Variants in SLC15A5 observed in about 807,000 individuals in gnomAD.
SLC15A5 encodes the protein Peptide/histidine transporter ENSP00000340402.
SLC15A5 carries 58 observed loss-of-function variants against 56.1 expected under a neutral mutation model. The observed-to-expected ratio is 1.03, with a 90% CI of 0.84 to 1.29. The LOEUF is 1.29. Ranked by LOEUF, SLC15A5 falls within the 50% of genes most tolerant of loss-of-function variation. The pLI is 0.00. For synonymous variants in SLC15A5, 264 were observed against 250.5 expected (o/e 1.05, Z -0.51); for missense variants, 681 against 672.1 (o/e 1.01, Z -0.15).
At chr12:16,198,292 G>GA (rs1863916084) in intron 7 of SLC15A5, among the ~76,000 whole-genome samples, 2 of 152,218 alleles carry the variant, frequency 1.3e-5, no homozygotes, top group South Asian at 4.2e-4. Context: ...TGCTGCTTAA[G>GA]AAAAGGAATT....
At position 16,189,641 on chromosome 12, in the gene SLC15A5, A is replaced by G. The variant is rs546900846; in HGVS notation, c.*27T>C. 15 of 1,450,370 alleles carry G rather than the reference A, an allele frequency of 1.0e-5. No individual in the cohort carries two copies. In the South Asian group the frequency reaches 1.0e-4, roughly 10 times the overall value. 89.8% of individuals were successfully genotyped at this position (1,450,370 alleles called of 1,614,324 possible). On this transcript the variant is annotated 3_prime_UTR_variant, in exon 9 of 9. Coordinates refer to ENST00000344941, the MANE Select transcript of SLC15A5 (RefSeq NM_001170798.1). ...GAAGAAAACAATGAATACTGTTCTC[A>G]TAAGACAGGTAGACTCAAACACAGT... is the stretch of plus-strand genomic sequence containing the variant.
chr12:16,198,211 A>G (rs1863914937), intron 7 of SLC15A5, among the ~76,000 whole-genome samples: 1 of 152,296 alleles, frequency 6.6e-6, no homozygotes, highest in South Asian at 2.1e-4. Context: ...TCTCTTGCTT[A>G]GCTAGATGTA....
At chr12:16,213,947 C>G (rs906765844) in intron 7 of SLC15A5, among the ~76,000 whole-genome samples, 2 of 152,028 alleles carry the variant, frequency 1.3e-5, no homozygotes, top group African/African-American at 4.8e-5. Flanking sequence ...GGTTATATTG[C>G]AAAAGTAACA....
rs1799516 is a variant in SLC15A5 at position 16,272,722 on chromosome 12, A to T, written c.423T>A (p.His141Gln). ...PLEDFYLGTY[H>Q]AVNNIPKTEQ... Reference sequence around the variant, plus strand: ...CTGTTTTTGGTATGTTGTTAACTGCATGGTAAGTGCCCAGATAGAAATCTT... The same window carrying T: ...CTGTTTTTGGTATGTTGTTAACTGCTTGGTAAGTGCCCAGATAGAAATCTT... Residue 141 changes from histidine to glutamine, a missense_variant, in exon 2 of 9, where the codon CAT (histidine) becomes CAA (glutamine). Physicochemically the swap from His to Gln is conservative, Grantham distance 24. Coordinates refer to ENST00000344941, the MANE Select transcript of SLC15A5 (RefSeq NM_001170798.1). 0.21 allele frequency: 323,253 copies of T among 1,537,040 alleles called. 38,376 individuals carry two copies. Among genetic ancestry groups the T allele is most frequent in the African/African-American group, 0.49 (35,838 of 73,020 alleles).
intron 7 of SLC15A5, among the ~76,000 whole-genome samples, chr12:16,216,195 A>G (rs1259482196): frequency 2.0e-5 from 3 of 152,186 alleles, no homozygotes; most frequent in Non-Finnish European, 4.4e-5. Flanking sequence ...ATATATCGAC[A>G]TTTTAGAACA....
intron 5 of SLC15A5, among the ~76,000 whole-genome samples, chr12:16,227,849 G>A (rs773731740): frequency 4.3e-4 from 65 of 152,150 alleles, no homozygotes; most frequent in Non-Finnish European, 8.1e-4. Flanking sequence ...AGATATTGGA[G>A]GTAGGAAGAT....
intron 7 of SLC15A5, among the ~76,000 whole-genome samples, chr12:16,216,276 C>A (rs1429922297): frequency 6.6e-6 from 1 of 152,140 alleles, no homozygotes; most frequent in Non-Finnish European, 1.5e-5. Context: ...TTATTGTCAT[C>A]CTGTCTGGCT....
chr12:16,196,037 G>T lies in SLC15A5; in HGVS notation c.1484-1584C>A, dbSNP rs893870474. ...TTGTCAAAAGAACTGGGTTGTAAAG[G>T]TAATCCTGATTATGCTATTAATTTG... On this transcript the variant is annotated intron_variant, in intron 7 of 8. Coordinates refer to ENST00000344941, the MANE Select transcript of SLC15A5 (RefSeq NM_001170798.1). This position sits in a 1 kb window ranked among gnomAD's most constrained non-coding sequence, Gnocchi z 4.0. 6.6e-6 allele frequency among the ~76,000 whole-genome samples: 1 copy of T among 152,052 alleles called. No individual in the cohort carries two copies. Among genetic ancestry groups the T allele is most frequent in the Non-Finnish European group, 1.5e-5 (1 of 68,012 alleles).
chr12:16,193,790 A>G (rs1055781617), intron 8 of SLC15A5, among the ~76,000 whole-genome samples: 8 of 20,732 alleles, frequency 3.9e-4, no homozygotes, highest in Admixed American at 2.1e-3. Context: ...GGAGAGAGAG[A>G]GAGAGAGAGA....
At chr12:16,191,778 G>C (rs1209816615) in intron 8 of SLC15A5, among the ~76,000 whole-genome samples, 1 of 152,086 alleles carries the variant, frequency 6.6e-6, no homozygotes, top group Non-Finnish European at 1.5e-5. Flanking sequence ...AGGTCCCCAA[G>C]GCAGCATGTG....
chr12:16,190,677 T>G (rs1027907099), intron 8 of SLC15A5, among the ~76,000 whole-genome samples: 4 of 152,116 alleles, frequency 2.6e-5, no homozygotes, highest in Admixed American at 6.6e-5. Flanking sequence ...AGTCATCTAT[T>G]TTTGATTTGT....
intron 4 of SLC15A5, among the ~76,000 whole-genome samples, chr12:16,241,829 GTTAAC>G (rs149324072): frequency 0.46 from 69,482 of 151,742 alleles, 16,056 homozygotes; most frequent in South Asian, 0.61. Flanking sequence ...ACAGAAATAT[GTTAAC>G]TTAATAATGT....
chr12:16,246,505 A>G (rs994714228), intron 3 of SLC15A5, among the ~76,000 whole-genome samples: 5 of 152,156 alleles, frequency 3.3e-5, no homozygotes, highest in Admixed American at 6.5e-5. Context: ...TCTTGTCTCT[A>G]TTACTCATCA....
At chr12:16,263,298 C>T (rs1477954099) in intron 2 of SLC15A5, among the ~76,000 whole-genome samples, 9 of 152,150 alleles carry the variant, frequency 5.9e-5, no homozygotes, top group Admixed American at 5.9e-4. Context: ...AGACTGGCAC[C>T]ATTTTGCCCC....
intron 3 of SLC15A5, among the ~76,000 whole-genome samples, chr12:16,246,788 G>T (rs1477532451): frequency 6.6e-6 from 1 of 151,970 alleles, no homozygotes; most frequent in African/African-American, 2.4e-5. Flanking sequence ...ACTTGGATCT[G>T]CTTCTAATAC....
intron 4 of SLC15A5, among the ~76,000 whole-genome samples, chr12:16,240,337 G>A (rs528904245): frequency 1.3e-5 from 2 of 152,046 alleles, no homozygotes; most frequent in East Asian, 1.9e-4. Flanking sequence ...ATATAGAAAC[G>A]ACTTTTTCCT....
intron 2 of SLC15A5, among the ~76,000 whole-genome samples, chr12:16,263,476 C>A (rs964111977): frequency 6.6e-6 from 1 of 152,134 alleles, no homozygotes; most frequent in Admixed American, 6.5e-5. Flanking sequence ...TGCAGCCTGA[C>A]AATGCAATAG....
chr12:16,190,997 C>T (rs900142197), intron 8 of SLC15A5, among the ~76,000 whole-genome samples: 5 of 152,058 alleles, frequency 3.3e-5, no homozygotes, highest in African/African-American at 9.7e-5. Flanking sequence ...TATTTTAGCA[C>T]CAAATGTGGG....
chr12:16,269,993 T>C lies in SLC15A5; in HGVS notation c.584+2568A>G, dbSNP rs1864733720. ...ATTGTCCATCTCAGCTTTTGGAATA[T>C]GTGGAAAGCCAGGCTCTGATCTGGA... On this transcript the variant is annotated intron_variant, in intron 2 of 8. Transcript: ENST00000344941. This position sits in a 1 kb window ranked among gnomAD's most constrained non-coding sequence, Gnocchi z 4.7. 6.6e-6 allele frequency among the ~76,000 whole-genome samples: 1 copy of C among 152,196 alleles called. No individual in the cohort carries two copies. Among genetic ancestry groups the C allele is most frequent in the Non-Finnish European group, 1.5e-5 (1 of 68,026 alleles).
Sources: allele counts gnomAD v4.1 joint callset (sites outside exome capture counted in the v4.1 genomes callset), GRCh38; gene constraint gnomAD v4.1.1; non-coding constraint Gnocchi (gnomAD v3.1); transcripts MANE v1.5; gene names NCBI Gene and HGNC (gene_info 2026-07-23, HGNC 2026-07-21).